The following MAGEA11 variants were observed in gnomAD, a reference collection of about 807,000 sequenced individuals.
The protein encoded by MAGEA11 is MAGE family member A11, also known as melanoma-associated antigen 11.
Under a neutral mutation model 8.4 loss-of-function variants are expected in MAGEA11, and 1 was observed. That is an observed-to-expected ratio of 0.12 (90% CI 0.04 to 0.57). The LOEUF (loss-of-function observed/expected upper bound fraction) is 0.57, where lower values mean the gene tolerates loss of function less well. Among genes scored for constraint, MAGEA11 ranks in the 20% least tolerant of loss-of-function variants. The pLI, the probability that MAGEA11 is intolerant of heterozygous loss-of-function variation, is 0.91. For synonymous variants in MAGEA11, 127 were observed against 119.3 expected (o/e 1.06, Z -0.42); for missense variants, 209 against 317.3 (o/e 0.66, Z 2.59).
At position 149,716,912 on chromosome X, in the gene MAGEA11, C is replaced by T. The variant is rs140714608; in HGVS notation, c.*136C>T. On this transcript the variant is annotated 3_prime_UTR_variant, in exon 5 of 5. Coordinates refer to ENST00000355220, the MANE Select transcript of MAGEA11 (RefSeq NM_005366.5). ...GTGTTTGATGAGAGAAGTCAGTGTTCTCAGTAGTAGAAGGCACAGTGAATG... is the reference window on the plus strand; with the variant it reads ...GTGTTTGATGAGAGAAGTCAGTGTTTTCAGTAGTAGAAGGCACAGTGAATG... 1.4e-3 allele frequency: 795 copies of T among 581,071 alleles called. 7 individuals are homozygous for T. In the African/African-American group the frequency reaches 0.016, roughly 12 times the overall value. 47.9% of individuals were successfully genotyped at this position (581,071 alleles called of 1,213,427 possible).
chrX:149,701,136 G>A (rs1304396613), intron 1 of MAGEA11, among the ~76,000 whole-genome samples: 5 of 111,410 alleles, frequency 4.5e-5, no homozygotes, highest in Non-Finnish European at 9.4e-5. Flanking sequence ...CTGAGGAATC[G>A]CCACACTGAC....
intron 1 of MAGEA11, among the ~76,000 whole-genome samples, chrX:149,705,310 G>A (rs1057497203): frequency 2.7e-5 from 3 of 111,495 alleles, no homozygotes; most frequent in Non-Finnish European, 3.8e-5. Context: ...TGCTGTTCTC[G>A]TGATAGTGAA....
intron 1 of MAGEA11, among the ~76,000 whole-genome samples, chrX:149,706,718 G>C (rs1014765004): frequency 4.5e-5 from 5 of 112,045 alleles, no homozygotes; most frequent in Admixed American, 3.8e-4. Context: ...CCAAGCCCCA[G>C]TTGGGAAGAC....
chrX:149,701,648 C>G (rs5940681), intron 1 of MAGEA11, among the ~76,000 whole-genome samples: 2 of 108,280 alleles, frequency 1.8e-5, no homozygotes, highest in African/African-American at 3.4e-5. Context: ...GTCCATGCCT[C>G]TGTCCTGAAT....
At chrX:149,697,556 C>T (rs7883741) in intron 1 of MAGEA11, among the ~76,000 whole-genome samples, 44,756 of 109,182 alleles carry the variant, frequency 0.41, 7,311 homozygotes, top group East Asian at 0.95. Flanking sequence ...CATGATGCCC[C>T]TGAGTCTTTT....
Position 149,705,223 on chromosome X carries a change from C to T in MAGEA11, c.10-9258C>T, listed in dbSNP as rs138672651. 5.9e-3 allele frequency among the ~76,000 whole-genome samples: 661 copies of T among 111,916 alleles called. 1 individual carries two copies. Among genetic ancestry groups the T allele is most frequent in the Non-Finnish European group, 8.4e-3 (445 of 53,110 alleles). On this transcript the variant is annotated intron_variant, in intron 1 of 3. Coordinates refer to the MAGEA11 transcript ENST00000333104. ...ACAAATCTCCTTCTGAATTGTACTCCCATAATTCCCATAATTCCCATGTGT... is the reference window on the plus strand; with the variant it reads ...ACAAATCTCCTTCTGAATTGTACTCTCATAATTCCCATAATTCCCATGTGT...
intron 3 of MAGEA11, among the ~76,000 whole-genome samples, chrX:149,714,917 C>T (rs1569561415): frequency 9.0e-6 from 1 of 110,721 alleles, no homozygotes; most frequent in African/African-American, 3.3e-5. Flanking sequence ...TCCCTGATTT[C>T]CTCTTCTGAT....
intron 1 of MAGEA11, among the ~76,000 whole-genome samples, chrX:149,703,060 G>C (rs1395635293): frequency 1.8e-5 from 2 of 111,431 alleles, no homozygotes; most frequent in Non-Finnish European, 3.8e-5. Flanking sequence ...CTAGACTAGA[G>C]CAATGACAAG....
At chrX:149,710,941 T>TG (rs1557361856), upstream of MAGEA11, among the ~76,000 whole-genome samples, 2 of 111,556 alleles carry the variant, frequency 1.8e-5, no homozygotes, top group African/African-American at 6.5e-5. Flanking sequence ...TACTTGTGAT[T>TG]GGCGGGGAAG....
chrX:149,709,766 T>A (rs1189101780), upstream of MAGEA11, among the ~76,000 whole-genome samples: 1 of 111,826 alleles, frequency 8.9e-6, no homozygotes, highest in Non-Finnish European at 1.9e-5. Context: ...TACAGAAAAA[T>A]ATTTTGAAAA....
At chrX:149,700,352 T>C (rs1190667032) in intron 1 of MAGEA11, among the ~76,000 whole-genome samples, 1 of 112,089 alleles carries the variant, frequency 8.9e-6, no homozygotes, top group East Asian at 2.8e-4. Context: ...GCACTTGAAC[T>C]ATGCGATGAG....
intron 1 of MAGEA11, among the ~76,000 whole-genome samples, chrX:149,693,565 C>A (rs782157508): frequency 3.6e-5 from 4 of 111,633 alleles, no homozygotes; most frequent in Non-Finnish European, 7.5e-5. Flanking sequence ...AGTTTGCTTT[C>A]TTTTTTAAAA....
chrX:149,693,660 CA>C (rs1294379715), intron 1 of MAGEA11, among the ~76,000 whole-genome samples: 1 of 112,184 alleles, frequency 8.9e-6, no homozygotes, highest in Non-Finnish European at 1.9e-5. Context: ...TGTGCCATAT[CA>C]AATTCCAGAA....
chrX:149,713,267 C>T lies in MAGEA11; in HGVS notation c.96+12C>T. ...ACTTTGGACTCCAGGTCAGTAGGGA[C>T]CTTGGCCCTTGGAGTTCCAAGGCAC... is the stretch of plus-strand genomic sequence containing the variant. On this transcript the variant is annotated intron_variant, in intron 2 of 4. Coordinates refer to ENST00000355220, the MANE Select transcript of MAGEA11 (RefSeq NM_005366.5). The T allele has an allele frequency of 9.1e-7, 1 of 1,100,251 alleles. No individual in the cohort carries two copies. 90.7% of individuals were successfully genotyped at this position (1,100,251 alleles called of 1,213,427 possible). A position where few individuals can be genotyped will look rare whatever the true frequency, so the allele number is the denominator to read the frequency against.
chrX:149,690,813 T>G lies in MAGEA11; in HGVS notation c.9+1829T>G, dbSNP rs187599361. Among the ~76,000 whole-genome samples the G allele has an allele frequency of 6.1e-3, 684 of 111,803 alleles. 9 individuals are homozygous for G. The highest frequency in any genetic ancestry group is 0.021 in the African/African-American group (648 of 30,815). On this transcript the variant is annotated intron_variant, in intron 1 of 3. Coordinates refer to the MAGEA11 transcript ENST00000333104. ...TCTGCCTGGAGGACTTACTTTAACA[T>G]TTCTTCTAGTGCACATATGTTGGTG... is the stretch of plus-strand genomic sequence containing the variant.
intron 1 of MAGEA11, among the ~76,000 whole-genome samples, chrX:149,695,606 C>G (rs1379874642): frequency 6.3e-5 from 7 of 111,432 alleles, no homozygotes; most frequent in Non-Finnish European, 5.7e-5. Context: ...AGAAATTTCC[C>G]TAAAGAATAT....
intron 1 of MAGEA11, among the ~76,000 whole-genome samples, chrX:149,693,021 C>T (rs1379013814): frequency 8.9e-6 from 1 of 112,109 alleles, no homozygotes; most frequent in African/African-American, 3.2e-5. Context: ...TTCCCACTCT[C>T]GAGTATGTCT....
chrX:149,711,788 C>T (rs2090401478), upstream of MAGEA11: 5 of 749,739 alleles, frequency 6.7e-6, no homozygotes, highest in Non-Finnish European at 7.9e-6. Flanking sequence ...AGACTTGGTC[C>T]GAGAGGAGCA....
chrX:149,692,544 G>T (rs1300349691), intron 1 of MAGEA11, among the ~76,000 whole-genome samples: 1 of 111,983 alleles, frequency 8.9e-6, no homozygotes, highest in Non-Finnish European at 1.9e-5. Flanking sequence ...TTTGTATTGA[G>T]TAAAGTTTCA....
Sources: gnomAD v4.1 joint callset for allele counts (sites outside exome capture counted in the v4.1 genomes callset) on GRCh38, gnomAD v4.1.1 for gene constraint, MANE v1.5 for transcripts, NCBI Gene and HGNC (gene_info 2026-07-23, HGNC 2026-07-21) for gene names.